ADAMTS18: variants seen among roughly 807,000 people sequenced by gnomAD.
The protein encoded by ADAMTS18 is ADAM metallopeptidase with thrombospondin type 1 motif 18.
ADAMTS18 carries 157 observed loss-of-function variants against 165.9 expected under a neutral mutation model. The ratio of observed to expected loss-of-function variants is 0.95; its 90% CI spans 0.83 to 1.08. ADAMTS18 has a LOEUF of 1.08. Ranked by LOEUF, ADAMTS18 falls within the 50% of genes least tolerant of loss-of-function variation. The pLI is 0.00. For synonymous variants in ADAMTS18, 782 were observed against 578.2 expected, an observed-to-expected ratio of 1.35 and a Z score of -5.06; for missense variants, 2,040 against 1,534.0, an observed-to-expected ratio of 1.33 and a Z score of -5.51.
chr16:77,289,227 G>C (rs762669959), intron 22 of ADAMTS18, 37 bp downstream of exon 22: 2 of 1,612,622 alleles, frequency 1.2e-6, no homozygotes, highest in East Asian at 4.5e-5. Flanking sequence ...ATTATCTAAA[G>C]ACTAGTAAAG....
At chr16:77,316,741 C>T (rs1377185384) in intron 16 of ADAMTS18, among the ~76,000 whole-genome samples, 3 of 152,180 alleles carry the variant, frequency 2.0e-5, no homozygotes, top group Non-Finnish European at 4.4e-5. Flanking sequence ...GCGATCTCGG[C>T]TTATTGCAGC....
intron 16 of ADAMTS18, among the ~76,000 whole-genome samples, chr16:77,303,957 G>A (rs1463444611): frequency 6.6e-6 from 1 of 152,078 alleles, no homozygotes; most frequent in Non-Finnish European, 1.5e-5. Context: ...GTGAACTCAG[G>A]AGGCGGAGCT....
At chr16:77,333,491 C>T (rs1567490110) in intron 12 of ADAMTS18, among the ~76,000 whole-genome samples, 1 of 107,792 alleles carries the variant, frequency 9.3e-6, no homozygotes, top group African/African-American at 3.2e-5. Flanking sequence ...AAAAGAAATA[C>T]CAAAAAAAAA....
intron 3 of ADAMTS18, among the ~76,000 whole-genome samples, chr16:77,396,420 G>A (rs1260336891): frequency 6.6e-6 from 1 of 152,148 alleles, no homozygotes; most frequent in African/African-American, 2.4e-5. Flanking sequence ...TCAGCATAAA[G>A]CCATTTAAAA....
chr16:77,403,516 G>C (rs528552691), intron 3 of ADAMTS18, among the ~76,000 whole-genome samples: 6 of 152,268 alleles, frequency 3.9e-5, no homozygotes, highest in African/African-American at 1.4e-4. Flanking sequence ...AATGGGAGGA[G>C]AGAAGGTTTA....
intron 7 of ADAMTS18, among the ~76,000 whole-genome samples, chr16:77,361,711 C>T (rs749832615): frequency 2.0e-5 from 3 of 152,058 alleles, no homozygotes; most frequent in Admixed American, 6.6e-5. Flanking sequence ...TGGTGGAAAC[C>T]CGTCTCTACT....
rs1567492063 is a variant in ADAMTS18 at position 77,334,788 on chromosome 16, A to AT, written c.1859+967_1859+968insA. On this transcript the variant is annotated intron_variant, in intron 12 of 22. Coordinates refer to ENST00000282849, the MANE Select transcript of ADAMTS18 (RefSeq NM_199355.4). ...CAGTATATATACTATAGTATACAGT[A>AT]AATATACTATATACTATAGTATACA... 5.6e-4 allele frequency among the ~76,000 whole-genome samples: 32 copies of AT among 56,762 alleles called. 1 individual carries two copies. The highest frequency in any genetic ancestry group is 7.6e-4 in the East Asian group (2 of 2,630). The allele number at this position is 56,762 out of a possible 152,430, so 37.2% of individuals were successfully genotyped here. A position where few individuals can be genotyped will look rare whatever the true frequency, so the allele number is the denominator to read the frequency against.
At chr16:77,357,242 G>A (rs1234645719) in intron 8 of ADAMTS18, among the ~76,000 whole-genome samples, 2 of 151,530 alleles carry the variant, frequency 1.3e-5, no homozygotes, top group Admixed American at 1.3e-4. Context: ...CTTTTTTTGT[G>A]ACCCATGTCT....
chr16:77,399,581 G>A (rs553515138), intron 3 of ADAMTS18, among the ~76,000 whole-genome samples: 35 of 152,290 alleles, frequency 2.3e-4, no homozygotes, highest in African/African-American at 7.9e-4. Flanking sequence ...GTTCTAGAAA[G>A]TTGCTTAATC....
chr16:77,361,984 C>T (rs1353354938), intron 7 of ADAMTS18, 121 bp downstream of exon 7: 1 of 1,153,200 alleles, frequency 8.7e-7, no homozygotes, highest in Non-Finnish European at 1.3e-6. Flanking sequence ...TTAGGTTACT[C>T]CATAATTTAA....
chr16:77,426,523 T>C (rs1219403923), intron 3 of ADAMTS18, among the ~76,000 whole-genome samples: 2 of 152,216 alleles, frequency 1.3e-5, no homozygotes, highest in African/African-American at 2.4e-5. Flanking sequence ...TCTAAAACCA[T>C]ACTGTGTAAA....
chr16:77,291,051 C>A, intron 21 of ADAMTS18: 1 of 528,890 alleles, frequency 1.9e-6, no homozygotes, highest in Non-Finnish European at 3.3e-6. Flanking sequence ...CAAATCAACT[C>A]TCCCAGATAA....
chr16:77,431,368 T>C lies in ADAMTS18; in HGVS notation c.422A>G (p.Gln141Arg), dbSNP rs750090761. 3.1e-6 allele frequency: 5 copies of C among 1,614,158 alleles called. No homozygotes were observed. The highest frequency in any genetic ancestry group is 2.2e-5 in the South Asian group (2 of 91,082). ...GATAAATCCCTGATAGAAGCATTGCTGCACCTCGGGTTTCTGAGTCTCTGA... is the reference window on the plus strand; with the variant it reads ...GATAAATCCCTGATAGAAGCATTGCCGCACCTCGGGTTTCTGAGTCTCTGA... Reference protein sequence around the residue: ...GASETQKPEVQQCFYQGFIRN... With the variant: ...GASETQKPEVRQCFYQGFIRN... Residue 141 changes from glutamine to arginine, a missense_variant, in exon 3 of 23, where the codon CAG (glutamine) becomes CGG (arginine). Coordinates refer to ENST00000282849, the MANE Select transcript of ADAMTS18 (RefSeq NM_199355.4).
At chr16:77,411,671 T>C (rs1009662902) in intron 3 of ADAMTS18, among the ~76,000 whole-genome samples, 1 of 141,278 alleles carries the variant, frequency 7.1e-6, no homozygotes, top group African/African-American at 2.6e-5. Context: ...CCACAGAGTA[T>C]CCAGAATTTT....
intron 16 of ADAMTS18, among the ~76,000 whole-genome samples, chr16:77,311,538 T>C (rs1223595284): frequency 1.3e-5 from 2 of 152,212 alleles, no homozygotes; most frequent in Non-Finnish European, 2.9e-5. Context: ...GTTTTTAGAA[T>C]ATCTGTGTTC....
At chr16:77,286,002 A>G (rs12934894) in intron 22 of ADAMTS18, among the ~76,000 whole-genome samples, 32,174 of 152,074 alleles carry the variant, frequency 0.21, 3,839 homozygotes, top group Admixed American at 0.31. Context: ...AAAGTTCTCC[A>G]TTGGCTTCCA....
At chr16:77,289,573 A>G in intron 21 of ADAMTS18, 162 bp from the exon 22 acceptor site, 2 of 782,968 alleles carry the variant, frequency 2.6e-6, no homozygotes, top group Non-Finnish European at 4.2e-6. Flanking sequence ...CATCTATCCT[A>G]ACAAGTGTGA....
At chr16:77,378,821 T>C (rs2056990561) in intron 3 of ADAMTS18, 1 of 152,214 alleles carries the variant, frequency 6.6e-6, no homozygotes, top group African/African-American at 2.4e-5. Flanking sequence ...CATTTGACTA[T>C]TTGAGGGAAC....
rs1444948922 is a variant in ADAMTS18, at chr16:77,295,122, A to G, written c.2807T>C (p.Met936Thr). The change falls in exon 19 of 23, where the codon ATG (methionine) becomes ACG (threonine). Residue 936 changes from methionine to threonine, a missense_variant. Met to Thr is a moderately conservative substitution (Grantham distance 81, BLOSUM62 -1). Transcript: ENST00000282849. ...CNAFSCPAYW[M>T]PGEWSTCSKA... ...GCTGCATGTACTCCATTCACCTGGC[A>G]TCCAGCTTTCAGTGCAAAACAAACA... The G allele has an allele frequency of 1.2e-6, 2 of 1,614,042 alleles. No homozygotes were observed. The highest frequency in any genetic ancestry group is 1.3e-5 in the African/African-American group (1 of 74,944).
Sources: gnomAD v4.1 joint callset for allele counts (sites outside exome capture counted in the v4.1 genomes callset) on GRCh38, gnomAD v4.1.1 for gene constraint, MANE v1.5 for transcripts, NCBI Gene and HGNC (gene_info 2026-07-23, HGNC 2026-07-21) for gene names.